Variants in SDF2L1 observed in about 807,000 individuals in gnomAD.
SDF2L1 encodes the protein stromal cell-derived factor 2-like protein 1.
SDF2L1 carries 18 observed loss-of-function variants against 19.4 expected under a neutral mutation model. That is an observed-to-expected ratio of 0.93 (90% CI 0.64 to 1.38). SDF2L1 has a LOEUF of 1.38. Among genes scored for constraint, SDF2L1 ranks in the 40% most tolerant of loss-of-function variants. The pLI is 0.00. For missense variants in SDF2L1, 263 were observed against 319.4 expected, an observed-to-expected ratio of 0.82 and a Z score of 1.35; for synonymous variants, 161 against 148.9, an observed-to-expected ratio of 1.08 and a Z score of -0.59.
At position 21,644,227 on chromosome 22, in the gene SDF2L1, C is replaced by T; in HGVS notation, c.*52C>T. The T allele has an allele frequency of 6.3e-7, 1 of 1,591,854 alleles. No homozygotes were observed. The highest frequency in any genetic ancestry group is 8.6e-7 in the Non-Finnish European group (1 of 1,164,290). On this transcript the variant is annotated 3_prime_UTR_variant, in exon 3 of 3. Transcript: ENST00000248958. ...GGTGGCAGGTGGGGCGTCTGCAGGGCCACTCTTGGCAGAGACTTTGGGTTT... is the reference window on the plus strand; with the variant it reads ...GGTGGCAGGTGGGGCGTCTGCAGGGTCACTCTTGGCAGAGACTTTGGGTTT...
Position 21,642,376 on chromosome 22 carries a change from C to T in SDF2L1, c.40C>T (p.Leu14=). 1 of 1,436,086 alleles carries T rather than the reference C, an allele frequency of 7.0e-7. No individual in the cohort carries two copies. The highest frequency in any genetic ancestry group is 9.0e-7 in the Non-Finnish European group (1 of 1,105,120). 89.0% of individuals were successfully genotyped at this position (1,436,086 alleles called of 1,614,324 possible). A position where few individuals can be genotyped will look rare whatever the true frequency, so the allele number is the denominator to read the frequency against. The part of the protein sequence containing the change: ...AGRGGAAWPV[L]LGLLLALLVP... ...CCGCGGCGGGGCTGCCTGGCCGGTG[C>T]TGTTGGGGCTGCTGCTGGCGCTGTT... Residue 14 remains leucine, a synonymous_variant, in exon 1 of 3, where the codon CTG becomes TTG. Coordinates refer to ENST00000248958, the MANE Select transcript of SDF2L1 (RefSeq NM_022044.3).
rs1196503201 is a variant in SDF2L1 at position 21,644,247 on chromosome 22, G to C, written c.*72G>C. The C allele has an allele frequency of 1.3e-5, 19 of 1,491,330 alleles. No homozygotes were observed. Among genetic ancestry groups the C allele is most frequent in the African/African-American group, 4.1e-5 (3 of 72,534 alleles). 92.4% of individuals were successfully genotyped at this position (1,491,330 alleles called of 1,614,324 possible). On this transcript the variant is annotated 3_prime_UTR_variant, in exon 3 of 3. Transcript: ENST00000248958. ...CAGGGCCACTCTTGGCAGAGACTTTGGGTTTGTAGGGGTCCTCAAGTGCCT... is the reference window on the plus strand; with the variant it reads ...CAGGGCCACTCTTGGCAGAGACTTTCGGTTTGTAGGGGTCCTCAAGTGCCT...
Position 21,642,998 on chromosome 22 carries a change from T to C in SDF2L1, c.324T>C (p.His108=), listed in dbSNP as rs1432923050. 2 of 1,565,718 alleles carry C rather than the reference T, an allele frequency of 1.3e-6. No homozygotes were observed. Among genetic ancestry groups the C allele is most frequent in the South Asian group, 1.2e-5 (1 of 85,574 alleles). ...VRCGQAVRLT[H]VLTGKNLHTH... ...GCGGGCAGGCGGTGAGGCTCACGCATGTGCTTACGGGCAAGAACCTGCACA... is the reference window on the plus strand; with the variant it reads ...GCGGGCAGGCGGTGAGGCTCACGCACGTGCTTACGGGCAAGAACCTGCACA... The change falls in exon 2 of 3, where the codon CAT becomes CAC. Residue 108 remains histidine, a synonymous_variant. Coordinates refer to ENST00000248958, the MANE Select transcript of SDF2L1 (RefSeq NM_022044.3).
At position 21,642,846 on chromosome 22, in the gene SDF2L1, G is replaced by A; in HGVS notation, c.188-16G>A. On this transcript the variant is annotated splice_polypyrimidine_tract_variant and intron_variant, in intron 1 of 2. Coordinates refer to ENST00000248958, the MANE Select transcript of SDF2L1 (RefSeq NM_022044.3). ...GATTGACGGAGACCCTGGGTGTGTGGGGTGTCACTCCTCAGGCAGCGGCCA... is the reference window on the plus strand; with the variant it reads ...GATTGACGGAGACCCTGGGTGTGTGAGGTGTCACTCCTCAGGCAGCGGCCA... The A allele has an allele frequency of 6.3e-7, 1 of 1,584,588 alleles. No homozygotes were observed. Among genetic ancestry groups the A allele is most frequent in the Non-Finnish European group, 8.6e-7 (1 of 1,167,674 alleles).
At position 21,642,336 on chromosome 22, in the gene SDF2L1, G is replaced by A. The variant is rs1173964913; in HGVS notation, c.-1G>A. ...CGAGGGGCTGGAGCCGGGCCGGGGC[G>A]ATGTGGAGCGCGGGCCGCGGCGGGG... On this transcript the variant is annotated 5_prime_UTR_variant, in exon 1 of 3. Transcript: ENST00000248958. 7.3e-7 allele frequency: 1 copy of A among 1,370,540 alleles called. No homozygotes were observed. Among genetic ancestry groups the A allele is most frequent in the Non-Finnish European group, 9.3e-7 (1 of 1,070,640 alleles). The allele number at this position is 1,370,540 out of a possible 1,614,324, so 84.9% of individuals were successfully genotyped here.
intron 1 of SDF2L1, 64 bp from the exon 2 acceptor site, chr22:21,642,798 A>G (rs2066089826): frequency 6.5e-7 from 1 of 1,529,226 alleles, no homozygotes; most frequent in Non-Finnish European, 8.8e-7. Flanking sequence ...TTCTGGTCCC[A>G]GGGCGAGGGT....
Position 21,643,019 on chromosome 22 carries a change from G to A in SDF2L1, c.345G>A (p.Leu115=). 3.8e-6 allele frequency: 6 copies of A among 1,561,490 alleles called. No individual in the cohort carries two copies. The highest frequency in any genetic ancestry group is 5.2e-6 in the Non-Finnish European group (6 of 1,153,710). The change falls in exon 2 of 3, where the codon CTG becomes CTA. Residue 115 remains leucine, a synonymous_variant. Transcript: ENST00000248958. ...CGCATGTGCTTACGGGCAAGAACCT[G>A]CACACGCACCACTTCCCGTCGCCGC... ...RLTHVLTGKN[L]HTHHFPSPLS...
chr22:21,643,024 C>G lies in SDF2L1; in HGVS notation c.350C>G (p.Thr117Arg). 6.4e-7 allele frequency: 1 copy of G among 1,559,802 alleles called. No homozygotes were observed. Among genetic ancestry groups the G allele is most frequent in the Non-Finnish European group, 8.7e-7 (1 of 1,152,726 alleles). The change falls in exon 2 of 3, where the codon ACG becomes AGG. Residue 117 changes from threonine to arginine, a missense_variant. Thr to Arg is a moderately conservative substitution (Grantham distance 71). This residue lies in a region of SDF2L1 where 203 missense variants were observed against 256.9 expected (regional missense o/e 0.79). Transcript: ENST00000248958. ...GTGCTTACGGGCAAGAACCTGCACA[C>G]GCACCACTTCCCGTCGCCGCTGTCC... ...THVLTGKNLH[T>R]HHFPSPLSNN...
At position 21,644,195 on chromosome 22, in the gene SDF2L1, G is replaced by A. The variant is rs1314079388; in HGVS notation, c.*20G>A. ...CTCTGAGTGTGTGGATGGATGGGTG[G>A]ATGGAGGGTGGCAGGTGGGGCGTCT... On this transcript the variant is annotated 3_prime_UTR_variant, in exon 3 of 3. Transcript: ENST00000248958. The A allele has an allele frequency of 6.2e-7, 1 of 1,607,742 alleles. No individual in the cohort carries two copies. The highest frequency in any genetic ancestry group is 8.5e-7 in the Non-Finnish European group (1 of 1,174,778).
intron 2 of SDF2L1, chr22:21,643,408 G>A (rs1223875636): frequency 2.1e-6 from 1 of 472,594 alleles, no homozygotes; most frequent in Non-Finnish European, 3.8e-6. Context: ...CTGAAAGGAT[G>A]ATTAGGAGTC....
chr22:21,643,465 A>G (rs2066096942), intron 2 of SDF2L1, among the ~76,000 whole-genome samples: 1 of 152,140 alleles, frequency 6.6e-6, no homozygotes, highest in South Asian at 2.1e-4. Context: ...CCAGCAGAAG[A>G]GATTGTGCCA....
At position 21,642,323 on chromosome 22, in the gene SDF2L1, G is replaced by C; in HGVS notation, c.-14G>C. On this transcript the variant is annotated 5_prime_UTR_variant, in exon 1 of 3. Coordinates refer to ENST00000248958, the MANE Select transcript of SDF2L1 (RefSeq NM_022044.3). ...CGGCCCCTGGGCCCGAGGGGCTGGA[G>C]CCGGGCCGGGGCGATGTGGAGCGCG... is the stretch of plus-strand genomic sequence containing the variant. 7.4e-7 allele frequency: 1 copy of C among 1,343,462 alleles called. No homozygotes were observed. Among genetic ancestry groups the C allele is most frequent in the Non-Finnish European group, 9.5e-7 (1 of 1,055,178 alleles). The allele number at this position is 1,343,462 out of a possible 1,614,324, so 83.2% of individuals were successfully genotyped here. A position where few individuals can be genotyped will look rare whatever the true frequency, so the allele number is the denominator to read the frequency against.
chr22:21,643,989 G>A lies in SDF2L1; in HGVS notation c.480G>A (p.Val160=), dbSNP rs2066102268. The A allele has an allele frequency of 1.2e-6, 2 of 1,614,040 alleles. No individual in the cohort carries two copies. Among genetic ancestry groups the A allele is most frequent in the African/African-American group, 1.3e-5 (1 of 74,912 alleles). ...AGCACTGGGAGCGTGAGGCTGCTGT[G>A]CGCTTCCAGCATGTGGGCACCTCTG... ...SGQHWEREAA[V]RFQHVGTSVF... The change falls in exon 3 of 3, where the codon GTG becomes GTA. Residue 160 remains valine, a synonymous_variant. Transcript: ENST00000248958.
At position 21,642,435 on chromosome 22, in the gene SDF2L1, G is replaced by C. The variant is rs2066086292; in HGVS notation, c.99G>C (p.Ala33=). 1 of 1,475,148 alleles carries C rather than the reference G, an allele frequency of 6.8e-7. No homozygotes were observed. 91.4% of individuals were successfully genotyped at this position (1,475,148 alleles called of 1,614,324 possible). Residue 33 remains alanine, a synonymous_variant, in exon 1 of 3, where the codon GCG becomes GCC. Transcript: ENST00000248958. ...VPGGGAAKTG[A]ELVTCGSVLK... The stretch of plus-strand genomic sequence containing the variant: ...GCGGTGGTGCCGCCAAGACCGGTGC[G>C]GAGCTCGTGACCTGCGGGTCGGTGC...
intron 1 of SDF2L1, 98 bp from the exon 2 acceptor site, chr22:21,642,764 G>T (rs2066089489): frequency 7.1e-7 from 1 of 1,418,370 alleles, no homozygotes; most frequent in East Asian, 2.5e-5. Context: ...CTGGGGGTGA[G>T]CCCTTGGGGT....
In SDF2L1 at chr22:21,644,090, C is replaced by T. The variant is rs2066103460; in HGVS notation, c.581C>T (p.Ala194Val). Residue 194 changes from alanine to valine, a missense_variant, in exon 3 of 3, where the codon GCC (alanine) becomes GTC (valine). Ala to Val is a moderately conservative substitution (Grantham distance 64). Around this residue, in one of 3 missense-constraint regions of SDF2L1, gnomAD observed 203 missense variants for 256.9 expected, o/e 0.79. Coordinates refer to ENST00000248958, the MANE Select transcript of SDF2L1 (RefSeq NM_022044.3). ...GQHEVHGMPS[A>V]NTHNTWKAME... ...CATGAGGTCCACGGCATGCCCAGTGCCAACACGCACAATACGTGGAAGGCC... is the reference window on the plus strand; with the variant it reads ...CATGAGGTCCACGGCATGCCCAGTGTCAACACGCACAATACGTGGAAGGCC... 6.2e-7 allele frequency: 1 copy of T among 1,614,008 alleles called. No individual in the cohort carries two copies. Among genetic ancestry groups the T allele is most frequent in the Non-Finnish European group, 8.5e-7 (1 of 1,180,032 alleles).
At chr22:21,643,248 C>A in intron 2 of SDF2L1, 190 bp downstream of exon 2, 2 of 676,544 alleles carry the variant, frequency 3.0e-6, no homozygotes, top group South Asian at 3.8e-5. Flanking sequence ...TGCTCCCGGC[C>A]CGGCAGGGAG....
rs1161270954 is a variant in SDF2L1 at position 21,643,048 on chromosome 22, C to T, written c.374C>T (p.Ser125Phe). 1 of 1,555,044 alleles carries T rather than the reference C, an allele frequency of 6.4e-7. No individual in the cohort carries two copies. Among genetic ancestry groups the T allele is most frequent in the Non-Finnish European group, 8.7e-7 (1 of 1,149,952 alleles). ...ACGCACCACTTCCCGTCGCCGCTGT[C>T]CAACAACCAGGTGAGCCCCTCCCGG... is the stretch of plus-strand genomic sequence containing the variant. The part of the protein sequence containing the change: ...LHTHHFPSPL[S>F]NNQEVSAFGE... Residue 125 changes from serine to phenylalanine, a missense_variant, in exon 2 of 3, where the codon TCC becomes TTC. Ser to Phe is a radical substitution (Grantham distance 155). Coordinates refer to ENST00000248958, the MANE Select transcript of SDF2L1 (RefSeq NM_022044.3).
rs1407713830 is a variant in SDF2L1, at chr22:21,642,927, C to T, written c.253C>T (p.Arg85Cys). ...SDDANSYWRI[R>C]GGSEGGCPRG... is the part of the protein sequence containing the mutation. ...CGACGCCAATAGCTACTGGCGGATC[C>T]GCGGCGGCTCGGAGGGCGGGTGCCC... The change falls in exon 2 of 3, where the codon CGC (arginine) becomes TGC (cysteine). Residue 85 changes from arginine to cysteine, a missense_variant. Physicochemically the swap from Arg to Cys is radical, Grantham distance 180. Around this residue, in one of 3 missense-constraint regions of SDF2L1, gnomAD observed 203 missense variants for 256.9 expected, o/e 0.79. Transcript: ENST00000248958. The T allele has an allele frequency of 6.3e-7, 1 of 1,583,150 alleles. No homozygotes were observed. The highest frequency in any genetic ancestry group is 1.8e-5 in the Admixed American group (1 of 55,396).
Sources: allele counts gnomAD v4.1 joint callset (sites outside exome capture counted in the v4.1 genomes callset), GRCh38; gene constraint gnomAD v4.1.1; regional missense constraint gnomAD v4.1.1; transcripts MANE v1.5; gene names NCBI Gene and HGNC (gene_info 2026-07-23, HGNC 2026-07-21).